GRIA1: variants seen among roughly 807,000 people sequenced by gnomAD.
GRIA1 encodes the protein glutamate ionotropic receptor AMPA type subunit 1, also known as glutamate receptor 1.
In GRIA1, 31 loss-of-function variants were observed where a neutral mutation model predicts 99.2. The ratio of observed to expected loss-of-function variants is 0.31; its 90% confidence interval spans 0.23 to 0.42. The LOEUF is 0.42. Ranked by LOEUF, GRIA1 falls within the 10% of genes least tolerant of loss-of-function variation. The probability of loss-of-function intolerance (pLI) is 1.00; values close to 1 mark genes in which losing one functional copy is unlikely to be tolerated. For missense variants in GRIA1, 782 were observed against 1,157.5 expected (o/e 0.68, Z 4.71); for synonymous variants, 438 against 432.4 (o/e 1.01, Z -0.16).
At chr5:153,634,599 C>G (rs566006236) in intron 2 of GRIA1, among the ~76,000 whole-genome samples, 1 of 152,104 alleles carries the variant, frequency 6.6e-6, no homozygotes, top group Non-Finnish European at 1.5e-5. Flanking sequence ...GAACTCAGAG[C>G]CTCAGAGTTC....
intron 11 of GRIA1, among the ~76,000 whole-genome samples, chr5:153,734,725 G>A (rs1205437453): frequency 6.6e-6 from 1 of 152,176 alleles, no homozygotes; most frequent in Middle Eastern, 3.2e-3. Context: ...GGCCAGGGAA[G>A]GCTTTCTGGA....
At chr5:153,699,188 G>A (rs1758331634) in intron 10 of GRIA1, 115 bp downstream of exon 10, 1 of 736,748 alleles carries the variant, frequency 1.4e-6, no homozygotes, top group Non-Finnish European at 2.4e-6. Flanking sequence ...GTAATTGAGT[G>A]TTGTTGCTGC....
chr5:153,734,235 G>C (rs1761233382), intron 11 of GRIA1, among the ~76,000 whole-genome samples: 1 of 152,162 alleles, frequency 6.6e-6, no homozygotes. Flanking sequence ...ATCCACCACA[G>C]TTCTGGCACC....
At chr5:153,806,546 G>T (rs921015028) in intron 15 of GRIA1, among the ~76,000 whole-genome samples, 1 of 152,294 alleles carries the variant, frequency 6.6e-6, no homozygotes. Flanking sequence ...CCACAGGCAT[G>T]AGCCACCACG....
chr5:153,568,480 T>C (rs1420925822), intron 2 of GRIA1, among the ~76,000 whole-genome samples: 1 of 152,142 alleles, frequency 6.6e-6, no homozygotes, highest in African/African-American at 2.4e-5. Context: ...TCAGAAACAG[T>C]CGAGTGATTC....
At chr5:153,583,178 C>T (rs1205274374) in intron 2 of GRIA1, among the ~76,000 whole-genome samples, 1 of 152,186 alleles carries the variant, frequency 6.6e-6, no homozygotes. Flanking sequence ...AGTGATCCGT[C>T]TGCCTCAGCC....
upstream of GRIA1, chr5:153,490,352 G>A (rs2113160580): frequency 5.9e-6 from 1 of 169,262 alleles, no homozygotes; most frequent in East Asian, 1.7e-4. Flanking sequence ...AGGCAGGGGA[G>A]GGTAAAGAGG....
intron 2 of GRIA1, among the ~76,000 whole-genome samples, chr5:153,509,986 C>G (rs1371890802): frequency 2.0e-5 from 3 of 152,144 alleles, no homozygotes; most frequent in African/African-American, 7.2e-5. Flanking sequence ...AAGGAGATCT[C>G]TAGATCTAAA....
intron 2 of GRIA1, among the ~76,000 whole-genome samples, chr5:153,567,919 T>C (rs1209353367): frequency 6.6e-6 from 1 of 152,108 alleles, no homozygotes; most frequent in African/African-American, 2.4e-5. Context: ...TTATTCCGAG[T>C]ACAGTATAAT....
rs1427954350 is a variant in GRIA1, at chr5:153,550,963, A to G, written c.220+56898A>G. 2.0e-5 allele frequency among the ~76,000 whole-genome samples: 3 copies of G among 152,168 alleles called. No homozygotes were observed. In the East Asian group the frequency reaches 5.8e-4, roughly 29 times the overall value. ...TGCAGGTTAGTTACATATGTATACA[A>G]TGAATTTATATTCTTAACAAGCTCT... is the stretch of plus-strand genomic sequence containing the variant. On this transcript the variant is annotated intron_variant, in intron 2 of 15. Transcript: ENST00000285900.
chr5:153,681,762 A>C (rs930416628), intron 7 of GRIA1, among the ~76,000 whole-genome samples: 8 of 152,270 alleles, frequency 5.3e-5, no homozygotes, highest in Middle Eastern at 3.4e-3. Context: ...TGGGCCAAGC[A>C]TCGTGGTTCA....
chr5:153,568,848 G>A (rs1170062304), intron 2 of GRIA1, among the ~76,000 whole-genome samples: 3 of 152,078 alleles, frequency 2.0e-5, no homozygotes, highest in Non-Finnish European at 4.4e-5. Context: ...TGACTTTGAA[G>A]GCCTTCTATA....
At chr5:153,783,182 A>C (rs1015792432) in intron 13 of GRIA1, among the ~76,000 whole-genome samples, 1 of 152,216 alleles carries the variant, frequency 6.6e-6, no homozygotes, top group East Asian at 1.9e-4. Flanking sequence ...CTGTTCACGC[A>C]GTCCTTAGAA....
At chr5:153,705,588 C>A (rs762477653) in intron 10 of GRIA1, 109 bp from the exon 11 acceptor site, 93 of 1,365,372 alleles carry the variant, frequency 6.8e-5, no homozygotes, top group Non-Finnish European at 8.7e-5. Flanking sequence ...ACTCTCATAT[C>A]CTTTAAGACA....
intron 13 of GRIA1, among the ~76,000 whole-genome samples, chr5:153,784,957 T>C (rs1764880573): frequency 6.6e-6 from 1 of 152,072 alleles, no homozygotes; most frequent in South Asian, 2.1e-4. Flanking sequence ...CTACGGAGGC[T>C]CTGGTCCCCA....
chr5:153,548,153 C>T (rs1759781961), intron 2 of GRIA1, among the ~76,000 whole-genome samples: 1 of 152,146 alleles, frequency 6.6e-6, no homozygotes, highest in African/African-American at 2.4e-5. Flanking sequence ...GACATACTGA[C>T]TCTTCCTTTG....
intron 2 of GRIA1, among the ~76,000 whole-genome samples, chr5:153,620,884 A>C (rs541851626): frequency 1.3e-5 from 2 of 152,326 alleles, no homozygotes; most frequent in South Asian, 4.1e-4. Context: ...GTGGTAATCA[A>C]AACAAATCAC....
intron 2 of GRIA1, among the ~76,000 whole-genome samples, chr5:153,504,268 A>G (rs1055171898): frequency 1.3e-5 from 2 of 152,062 alleles, no homozygotes; most frequent in Non-Finnish European, 2.9e-5. Context: ...AAAGGGAATC[A>G]GGATGCTATT....
chr5:153,638,300 T>C (rs1294609112), intron 2 of GRIA1, among the ~76,000 whole-genome samples: 1 of 152,240 alleles, frequency 6.6e-6, no homozygotes, highest in Non-Finnish European at 1.5e-5. Flanking sequence ...CATAGATCCT[T>C]ATTTAATACT....
Sources: allele counts gnomAD v4.1 joint callset (sites outside exome capture counted in the v4.1 genomes callset), GRCh38; gene constraint gnomAD v4.1.1; transcripts MANE v1.5; gene names NCBI Gene and HGNC (gene_info 2026-07-23, HGNC 2026-07-21).